The following SI variants were observed in gnomAD, a reference collection of about 807,000 sequenced individuals.
SI encodes the protein sucrase-isomaltase.
Under a neutral mutation model 253.3 loss-of-function variants are expected in SI, and 235 were observed. The ratio of observed to expected loss-of-function variants is 0.93; its 90% CI spans 0.83 to 1.03. The LOEUF is 1.03. SI is among the 50% of genes least tolerant of loss of function. The pLI is 0.00. For synonymous variants in SI, 819 were observed against 712.0 expected, an observed-to-expected ratio of 1.15 and a Z score of -2.39; for missense variants, 2,442 against 2,211.1, an observed-to-expected ratio of 1.10 and a Z score of -2.09.
At chr3:165,089,308 A>C in the SI span, among the ~76,000 whole-genome samples, 4 of 152,126 alleles carry the variant, frequency 2.6e-5, no homozygotes, top group African/African-American at 9.6e-5. Context: ...AGTAAAAATA[A>C]AGATGTTGGG....
chr3:165,058,119 T>A (rs1161008775), intron 12 of SI, among the ~76,000 whole-genome samples: 1 of 151,632 alleles, frequency 6.6e-6, no homozygotes, highest in African/African-American at 2.4e-5. Flanking sequence ...AAATCAGAAA[T>A]AAATAACAAG....
At chr3:165,061,272 G>T (rs1202380945) in intron 9 of SI, among the ~76,000 whole-genome samples, 1 of 151,880 alleles carries the variant, frequency 6.6e-6, no homozygotes, top group African/African-American at 2.4e-5. Flanking sequence ...AGATAGCTAT[G>T]CCAACTTATG....
At chr3:164,996,476 G>A in intron 40 of SI, 59 bp downstream of exon 40, 2 of 937,866 alleles carry the variant, frequency 2.1e-6, no homozygotes, top group South Asian at 1.3e-5. Flanking sequence ...GTACACTAAA[G>A]TATAATGAAG....
At chr3:165,003,472 A>T (rs1289133407) in intron 37 of SI, among the ~76,000 whole-genome samples, 2 of 152,074 alleles carry the variant, frequency 1.3e-5, no homozygotes, top group African/African-American at 2.4e-5. Context: ...TTCACTCTTA[A>T]AATAACTTAG....
intron 10 of SI, 38 bp downstream of exon 10, chr3:165,059,864 C>G: frequency 3.8e-6 from 6 of 1,598,292 alleles, no homozygotes; most frequent in Non-Finnish European, 5.1e-6. Flanking sequence ...CAATATTTAA[C>G]TTGATATATA....
chr3:165,068,057 G>C (rs62280366), intron 5 of SI, among the ~76,000 whole-genome samples: 1 of 151,460 alleles, frequency 6.6e-6, no homozygotes, highest in Non-Finnish European at 1.5e-5. Flanking sequence ...AGTAAACTAC[G>C]TGCTAAAAAA....
intron 2 of SI, 35 bp from the exon 3 acceptor site, chr3:165,074,702 G>T (rs934281643): frequency 3.2e-6 from 5 of 1,538,688 alleles, no homozygotes; most frequent in South Asian, 1.1e-5. Context: ...AATAAAACAT[G>T]ACATTAAATT....
intron 22 of SI, among the ~76,000 whole-genome samples, chr3:165,034,388 AG>A (rs1246811265): frequency 6.6e-6 from 1 of 151,986 alleles, no homozygotes; most frequent in African/African-American, 2.4e-5. Context: ...ATATAATTTG[AG>A]TAATAGGAAT....
chr3:165,042,170 G>A (rs1009913160), intron 17 of SI, among the ~76,000 whole-genome samples: 4 of 151,988 alleles, frequency 2.6e-5, no homozygotes, highest in South Asian at 4.1e-4. Flanking sequence ...ACAAGTGAAC[G>A]CAGAGTGTCA....
rs77014871 is a variant in SI, at chr3:165,037,811, C to G, written c.2426+89G>C. On this transcript the variant is annotated intron_variant, in intron 21 of 47. Coordinates refer to ENST00000264382, the MANE Select transcript of SI (RefSeq NM_001041.4). ...TGTCAAATATCTTCTGGTGCAGAAACTAAATATTATCTCTAATTCTTAATG... is the reference window on the plus strand; with the variant it reads ...TGTCAAATATCTTCTGGTGCAGAAAGTAAATATTATCTCTAATTCTTAATG... The G allele has an allele frequency of 1.0e-3, 992 of 957,228 alleles. 12 individuals are homozygous for G. In the East Asian group the frequency reaches 0.024, roughly 23 times the overall value. 59.3% of individuals were successfully genotyped at this position (957,228 alleles called of 1,614,324 possible).
chr3:165,066,896 T>TA (rs1714273359), intron 6 of SI, among the ~76,000 whole-genome samples: 5 of 152,014 alleles, frequency 3.3e-5, no homozygotes, highest in Admixed American at 3.3e-4. Flanking sequence ...ACACCCCTCA[T>TA]ACAATCATAA....
At chr3:164,989,410 AAG>A (rs1717614887) in intron 44 of SI, among the ~76,000 whole-genome samples, 1 of 149,778 alleles carries the variant, frequency 6.7e-6, no homozygotes, top group South Asian at 2.2e-4. Flanking sequence ...GAAAGAAAGA[AAG>A]AAAGAAAGAA....
intron 34 of SI, among the ~76,000 whole-genome samples, 164 bp from the exon 35 acceptor site, chr3:165,009,559 CTT>C (rs1718675997): frequency 6.6e-6 from 1 of 151,638 alleles, no homozygotes; most frequent in Admixed American, 6.6e-5. Flanking sequence ...TTCCTCAACA[CTT>C]CAATAGAGTA....
At chr3:165,037,799 C>T in intron 21 of SI, 101 bp downstream of exon 21, 1 of 833,476 alleles carries the variant, frequency 1.2e-6, no homozygotes, top group Non-Finnish European at 2.0e-6. Flanking sequence ...CAAATATCTT[C>T]TGGTGCAGAA....
chr3:165,008,058 A>C, intron 35 of SI, 60 bp from the exon 36 acceptor site: 1 of 888,040 alleles, frequency 1.1e-6, no homozygotes, highest in Non-Finnish European at 1.9e-6. Context: ...TATATTCTCA[A>C]AAGAGCTAGT....
intron 45 of SI, among the ~76,000 whole-genome samples, chr3:164,984,533 T>C (rs924528571): frequency 3.3e-5 from 5 of 152,114 alleles, no homozygotes; most frequent in Admixed American, 3.3e-4. Context: ...TGACAGCTAT[T>C]ACGAAGATAT....
At chr3:165,058,892 A>ACACACACACAC in intron 12 of SI, 71 bp downstream of exon 12, 2 of 1,288,524 alleles carry the variant, frequency 1.6e-6, no homozygotes, top group Non-Finnish European at 2.2e-6. Flanking sequence ...ACACACGCAC[A>ACACACACACAC]TCCACAGAAA....
rs75909218 is a variant in SI at position 164,993,765 on chromosome 3, G to A, written c.4841+492C>T. The stretch of plus-strand genomic sequence containing the variant: ...GGTCATATAAAAGTTTGAGCTTTAA[G>A]AGGTGAATCCAAAACAAATTTATAA... On this transcript the variant is annotated intron_variant, in intron 41 of 47. Coordinates refer to ENST00000264382, the MANE Select transcript of SI (RefSeq NM_001041.4). Among the ~76,000 whole-genome samples the A allele has an allele frequency of 1.7e-3, 252 of 151,848 alleles. 2 individuals are homozygous for A. Among genetic ancestry groups the A allele is most frequent in the African/African-American group, 5.6e-3 (233 of 41,536 alleles).
chr3:165,067,619 A>T, intron 5 of SI, 128 bp from the exon 6 acceptor site: 1 of 779,004 alleles, frequency 1.3e-6, no homozygotes, highest in Non-Finnish European at 2.1e-6. Context: ...AAGAGTATTA[A>T]TTCAGAACCT....
Sources: gnomAD v4.1 joint callset for allele counts (sites outside exome capture counted in the v4.1 genomes callset) on GRCh38, gnomAD v4.1.1 for gene constraint, MANE v1.5 for transcripts, NCBI Gene and HGNC (gene_info 2026-07-23, HGNC 2026-07-21) for gene names.